Variants in MACROD2 observed in about 807,000 individuals in gnomAD.
MACROD2 encodes ADP-ribose glycohydrolase MACROD2.
In MACROD2, 36 loss-of-function variants were observed where a neutral mutation model predicts 70.4. That is an observed-to-expected ratio of 0.51 (90% CI 0.39 to 0.68). The LOEUF (loss-of-function observed/expected upper bound fraction) is 0.68. Ranked by LOEUF, MACROD2 falls within the 30% of genes least tolerant of loss-of-function variation. The pLI is 0.00. For synonymous variants in MACROD2, 172 were observed against 178.8 expected (o/e 0.96, Z 0.30); for missense variants, 496 against 538.4 (o/e 0.92, Z 0.78).
At chr20:15,859,201 T>C (rs1403913157) in intron 8 of MACROD2, among the ~76,000 whole-genome samples, 5 of 152,034 alleles carry the variant, frequency 3.3e-5, no homozygotes, top group South Asian at 4.2e-4. Flanking sequence ...TGTCTTCACA[T>C]TGAGTGGGCT....
chr20:15,626,582 C>T (rs144400932), intron 8 of MACROD2, among the ~76,000 whole-genome samples: 16 of 152,268 alleles, frequency 1.1e-4, no homozygotes, highest in East Asian at 9.7e-4. Flanking sequence ...GGGGTGGGCA[C>T]GCTGGCTCAT....
intron 2 of MACROD2, among the ~76,000 whole-genome samples, chr20:14,034,227 G>T (rs2053281025): frequency 6.6e-6 from 1 of 152,160 alleles, no homozygotes; most frequent in Non-Finnish European, 1.5e-5. Context: ...GCCCGCCTCA[G>T]CCTCCCAAAG....
intron 6 of MACROD2, among the ~76,000 whole-genome samples, chr20:15,273,644 G>A (rs187935715): frequency 6.6e-6 from 1 of 152,182 alleles, no homozygotes; most frequent in East Asian, 1.9e-4. Context: ...CAGATGGAAG[G>A]GACAGTATGG....
intron 10 of MACROD2, among the ~76,000 whole-genome samples, chr20:15,922,627 G>T (rs2065427338): frequency 6.6e-6 from 1 of 152,198 alleles, no homozygotes; most frequent in African/African-American, 2.4e-5. Context: ...TCTCCGCTGG[G>T]GCAGTGCCTC....
intron 4 of MACROD2, among the ~76,000 whole-genome samples, chr20:14,604,673 G>C (rs1409978303): frequency 9.9e-5 from 15 of 152,160 alleles, no homozygotes. Flanking sequence ...CTCCAACAGG[G>C]ATTTGGAAGA....
intron 6 of MACROD2, among the ~76,000 whole-genome samples, chr20:15,409,001 CT>C (rs1227923693): frequency 1.3e-5 from 2 of 152,154 alleles, no homozygotes; most frequent in African/African-American, 2.4e-5. Flanking sequence ...CATTAAGCCT[CT>C]TTTTTTCTTT....
chr20:15,684,921 G>A (rs905323951), intron 8 of MACROD2, among the ~76,000 whole-genome samples: 7 of 152,054 alleles, frequency 4.6e-5, no homozygotes, highest in Non-Finnish European at 1.0e-4. Flanking sequence ...TCAAAAGAGA[G>A]GAAATCACTC....
rs530727224 is a variant in MACROD2 at position 14,514,601 on chromosome 20, G to A, written c.301+21093G>A. 1.1e-4 allele frequency among the ~76,000 whole-genome samples: 17 copies of A among 152,160 alleles called. 1 individual carries two copies. The highest frequency in any genetic ancestry group is 2.9e-4 in the African/African-American group (12 of 41,536). ...GTTAAACCACTGAATTTTTTTTATC[G>A]CAGGTAATGTTATCTTCACTAATAC... is the stretch of plus-strand genomic sequence containing the variant. On this transcript the variant is annotated intron_variant, in intron 4 of 17. Coordinates refer to ENST00000684519, the MANE Select transcript of MACROD2 (RefSeq NM_001351661.2).
chr20:15,366,721 T>C (rs932293642), intron 6 of MACROD2, among the ~76,000 whole-genome samples: 50 of 151,932 alleles, frequency 3.3e-4, no homozygotes, highest in African/African-American at 1.2e-3. Flanking sequence ...GGCTATTTTT[T>C]TTTTTTATTT....
intron 5 of MACROD2, among the ~76,000 whole-genome samples, chr20:14,720,536 C>CATTTTTTT (rs2071453300): frequency 2.8e-5 from 1 of 35,926 alleles, no homozygotes; most frequent in Non-Finnish European, 4.8e-5. Flanking sequence ...TGCCCCACAA[C>CATTTTTTT]TTTTTTTTTT....
At chr20:15,710,571 A>G (rs1309979424) in intron 8 of MACROD2, among the ~76,000 whole-genome samples, 1 of 152,232 alleles carries the variant, frequency 6.6e-6, no homozygotes, top group Admixed American at 6.5e-5. Flanking sequence ...CTCTCATTTT[A>G]TCTCTAACAG....
intron 4 of MACROD2, among the ~76,000 whole-genome samples, chr20:14,603,274 T>C (rs575106981): frequency 5.3e-5 from 8 of 152,212 alleles, no homozygotes; most frequent in Non-Finnish European, 1.2e-4. Context: ...GTGTGCAGTT[T>C]GGACAATTGT....
At chr20:14,255,407 C>T (rs2082045707) in intron 3 of MACROD2, among the ~76,000 whole-genome samples, 1 of 151,886 alleles carries the variant, frequency 6.6e-6, no homozygotes, top group Admixed American at 6.6e-5. Context: ...AGCTGGAAAC[C>T]ATCATTCTCA....
intron 5 of MACROD2, among the ~76,000 whole-genome samples, chr20:14,789,340 A>G (rs1442730646): frequency 2.0e-5 from 3 of 151,992 alleles, no homozygotes; most frequent in African/African-American, 7.3e-5. Flanking sequence ...GATAAAAGAA[A>G]GAAATAAGAT....
intron 5 of MACROD2, among the ~76,000 whole-genome samples, chr20:15,228,362 G>A (rs557992006): frequency 1.9e-4 from 29 of 152,012 alleles, no homozygotes; most frequent in Admixed American, 5.9e-4. Context: ...CGGCTGACAA[G>A]GGTTTAAATA....
chr20:14,274,627 G>A (rs2082232469), intron 3 of MACROD2, among the ~76,000 whole-genome samples: 2 of 152,136 alleles, frequency 1.3e-5, no homozygotes, highest in Non-Finnish European at 2.9e-5. Flanking sequence ...ATTCAACATA[G>A]TGTTGGAAGT....
At chr20:15,166,651 T>A (rs898175257) in intron 5 of MACROD2, among the ~76,000 whole-genome samples, 8 of 152,174 alleles carry the variant, frequency 5.3e-5, no homozygotes, top group South Asian at 2.1e-4. Context: ...TGCATTTTTT[T>A]AAGAATTTCA....
At chr20:14,954,283 T>G (rs2074499775) in intron 5 of MACROD2, among the ~76,000 whole-genome samples, 1 of 151,742 alleles carries the variant, frequency 6.6e-6, no homozygotes, top group African/African-American at 2.4e-5. Flanking sequence ...TCTTTGGTTA[T>G]CAAATGGAAT....
At chr20:15,812,458 C>T (rs1236414027) in intron 8 of MACROD2, among the ~76,000 whole-genome samples, 1 of 151,932 alleles carries the variant, frequency 6.6e-6, no homozygotes, top group Non-Finnish European at 1.5e-5. Flanking sequence ...GAATACCATA[C>T]TGACAATAAA....
Sources: allele counts gnomAD v4.1 joint callset (sites outside exome capture counted in the v4.1 genomes callset), GRCh38; gene constraint gnomAD v4.1.1; transcripts MANE v1.5; gene names NCBI Gene and HGNC (gene_info 2026-07-23, HGNC 2026-07-21).